METAP1D: variants seen among roughly 807,000 people sequenced by gnomAD.
METAP1D encodes the protein methionine aminopeptidase 1D, mitochondrial.
A neutral mutation model predicts 40.5 loss-of-function variants in METAP1D; 31 were observed. The observed-to-expected ratio is 0.77, with a 90% CI of 0.58 to 1.03. The LOEUF (loss-of-function observed/expected upper bound fraction) is 1.03, where lower values mean the gene tolerates loss of function less well. Ranked by LOEUF, METAP1D falls within the 50% of genes least tolerant of loss-of-function variation. The pLI, the probability that METAP1D is intolerant of heterozygous loss-of-function variation, is 0.00. For missense variants in METAP1D, 411 were observed against 420.7 expected (o/e 0.98, Z 0.20); for synonymous variants, 151 against 146.4 (o/e 1.03, Z -0.22).
chr2:172,080,397 T>A lies in METAP1D; in HGVS notation c.999T>A (p.His333Gln), dbSNP rs1574150702. The change falls in exon 10 of 10, where the codon CAT (histidine) becomes CAA (glutamine). Residue 333 changes from histidine to glutamine, a missense_variant. By Grantham distance (24) the His-to-Gln change is conservative (BLOSUM62 0). Transcript: ENST00000315796. The part of the protein sequence containing the change: ...RGAQILTKLP[H>Q]EA Reference sequence around the variant, plus strand: ...CGCAGATCCTGACCAAACTACCCCATGAGGCCTGAGGAGCCGCCCGAAGGT... The same window carrying A: ...CGCAGATCCTGACCAAACTACCCCAAGAGGCCTGAGGAGCCGCCCGAAGGT... 1.5e-5 allele frequency: 24 copies of A among 1,614,004 alleles called. No individual in the cohort carries two copies. In the East Asian group the frequency reaches 5.3e-4, roughly 36 times the overall value.
chr2:172,012,444 C>T (rs1490500160), intron 1 of METAP1D, among the ~76,000 whole-genome samples: 2 of 152,144 alleles, frequency 1.3e-5, no homozygotes, highest in Admixed American at 6.5e-5. Flanking sequence ...ATGGCTTCAC[C>T]ATGGGGTGAA....
At chr2:172,043,332 A>G (rs1307247432) in intron 1 of METAP1D, among the ~76,000 whole-genome samples, 1 of 132,346 alleles carries the variant, frequency 7.6e-6, no homozygotes, top group African/African-American at 2.5e-5. Flanking sequence ...TTATCCAGTC[A>G]GGCACTCCAT....
At chr2:172,025,196 A>T (rs1180485180) in intron 1 of METAP1D, among the ~76,000 whole-genome samples, 2 of 152,250 alleles carry the variant, frequency 1.3e-5, no homozygotes, top group Admixed American at 1.3e-4. Context: ...CAGAGCCCAG[A>T]AATCTACATT....
intron 1 of METAP1D, among the ~76,000 whole-genome samples, chr2:172,005,623 C>T (rs1333819197): frequency 6.1e-5 from 9 of 147,916 alleles, no homozygotes; most frequent in African/African-American, 1.7e-4. Flanking sequence ...CTGCAACCTC[C>T]GCCTCCCGGG....
intron 1 of METAP1D, among the ~76,000 whole-genome samples, chr2:172,000,324 ATTTAT>A (rs1688428643): frequency 6.6e-6 from 1 of 152,204 alleles, no homozygotes; most frequent in Non-Finnish European, 1.5e-5. Context: ...TGTAACCAAC[ATTTAT>A]TCTGTATGCC....
intron 6 of METAP1D, among the ~76,000 whole-genome samples, chr2:172,075,458 C>G (rs1690518087): frequency 6.6e-6 from 1 of 152,182 alleles, no homozygotes; most frequent in Admixed American, 6.5e-5. Flanking sequence ...CCTGCTGTTT[C>G]CATTTTCCCC....
At chr2:172,049,666 C>T (rs551815804) in intron 1 of METAP1D, among the ~76,000 whole-genome samples, 27 of 152,146 alleles carry the variant, frequency 1.8e-4, no homozygotes, top group African/African-American at 5.5e-4. Flanking sequence ...AAATTTGGAG[C>T]TTTTGCTTTT....
In METAP1D at chr2:172,070,999, G is replaced by T; in HGVS notation, c.633G>T (p.Arg211Ser). Reference protein sequence around the residue: ...ECGKKLVEVARRCRDEAIAAC... With the variant: ...ECGKKLVEVASRCRDEAIAAC... ...GTAAAAAGTTAGTGGAGGTTGCCAG[G>T]AGGTGTAGAGATGAAGCAATTGCAG... Residue 211 changes from arginine to serine, a missense_variant, in exon 6 of 10, where the codon AGG becomes AGT. Coordinates refer to ENST00000315796, the MANE Select transcript of METAP1D (RefSeq NM_199227.3). 6.2e-7 allele frequency: 1 copy of T among 1,613,374 alleles called. No individual in the cohort carries two copies. Among genetic ancestry groups the T allele is most frequent in the South Asian group, 1.1e-5 (1 of 91,008 alleles).
At chr2:172,013,085 C>T (rs1352115610) in intron 1 of METAP1D, among the ~76,000 whole-genome samples, 3 of 152,192 alleles carry the variant, frequency 2.0e-5, no homozygotes, top group Non-Finnish European at 4.4e-5. Context: ...ATGATCTGTG[C>T]AGCAGACCTT....
At chr2:172,009,015 T>G (rs1688651333) in intron 1 of METAP1D, among the ~76,000 whole-genome samples, 1 of 151,980 alleles carries the variant, frequency 6.6e-6, no homozygotes, top group Non-Finnish European at 1.5e-5. Flanking sequence ...ACGGTGTGTT[T>G]GTGAATTGTT....
chr2:172,071,079 T>C lies in METAP1D; in HGVS notation c.704+9T>C, dbSNP rs201953927. The C allele has an allele frequency of 4.1e-5, 66 of 1,597,368 alleles. No individual in the cohort carries two copies. The East Asian group carries it at 1.4e-3, about 34-fold the overall frequency. The stretch of plus-strand genomic sequence containing the variant: ...ATTGGAAACACAATCAGGTAAGCCT[T>C]ACATTGACAAGTAAAGGGAGGGTTG... On this transcript the variant is annotated intron_variant, in intron 6 of 9. Transcript: ENST00000315796.
rs1690406116 is a variant in METAP1D, at chr2:172,070,948, T to C, written c.582T>C (p.Phe194=). The C allele has an allele frequency of 7.4e-6, 12 of 1,612,900 alleles. No individual in the cohort carries two copies. Among genetic ancestry groups the C allele is most frequent in the Non-Finnish European group, 8.5e-6 (10 of 1,179,174 alleles). The change falls in exon 6 of 10, where the codon TTT becomes TTC. Residue 194 remains phenylalanine (F), a synonymous_variant. Transcript: ENST00000315796. The part of the protein sequence containing the change: ...NGYHGDTSET[F]LVGNVDECGK... ...ACCATGGAGACACCTCTGAAACATT[T>C]TTGGTGGGCAATGTGGACGAATGTG...
At chr2:172,041,726 T>TTATATATA (rs67708838) in intron 1 of METAP1D, among the ~76,000 whole-genome samples, 997 of 37,416 alleles carry the variant, frequency 0.027, 38 homozygotes, top group Non-Finnish European at 0.033. Flanking sequence ...TCTAATTATT[T>TTATATATA]TATATATATA....
In METAP1D at chr2:172,044,672, C is replaced by T. The variant is rs1156239163; in HGVS notation, c.41-16826C>T. Among the ~76,000 whole-genome samples the T allele has an allele frequency of 6.0e-5, 8 of 134,284 alleles. 2 individuals are homozygous for T. Among genetic ancestry groups the T allele is most frequent in the East Asian group, 2.0e-4 (1 of 5,066 alleles). The allele number at this position is 134,284 out of a possible 152,430, so 88.1% of individuals were successfully genotyped here. ...CTATAATCCCAGCAATTTGGGAAGC[C>T]GAGGAGGGTGGATCACTTGAAGTCA... On this transcript the variant is annotated intron_variant, in intron 1 of 9. Transcript: ENST00000315796.
At chr2:172,021,074 A>C (rs1180335727) in intron 1 of METAP1D, among the ~76,000 whole-genome samples, 1 of 152,060 alleles carries the variant, frequency 6.6e-6, no homozygotes, top group Admixed American at 6.5e-5. Context: ...CTTGTCTACA[A>C]GGCAGAGTTA....
intron 1 of METAP1D, among the ~76,000 whole-genome samples, chr2:172,029,391 C>A (rs1012303607): frequency 1.3e-5 from 2 of 152,142 alleles, no homozygotes; most frequent in African/African-American, 4.8e-5. Context: ...CCACTGCACT[C>A]CAGCATAAGG....
chr2:172,041,126 C>T (rs978278143), intron 1 of METAP1D, among the ~76,000 whole-genome samples: 1 of 151,788 alleles, frequency 6.6e-6, no homozygotes, highest in Non-Finnish European at 1.5e-5. Context: ...GTCTGAGGCC[C>T]CCCAAAAGCA....
intron 1 of METAP1D, among the ~76,000 whole-genome samples, chr2:172,042,965 GCGTA>G (rs1689638275): frequency 2.4e-5 from 3 of 126,548 alleles, no homozygotes; most frequent in Admixed American, 7.8e-5. Flanking sequence ...GTATATATAT[GCGTA>G]CATGTGCATA....
At chr2:172,004,874 A>G (rs115005961) in intron 1 of METAP1D, among the ~76,000 whole-genome samples, 2,864 of 152,152 alleles carry the variant, frequency 0.019, 58 homozygotes, top group Admixed American at 0.069. Flanking sequence ...AAATCCATAC[A>G]TACTTGTATG....
Sources: gnomAD v4.1 joint callset for allele counts (sites outside exome capture counted in the v4.1 genomes callset) on GRCh38, gnomAD v4.1.1 for gene constraint, MANE v1.5 for transcripts, NCBI Gene and HGNC (gene_info 2026-07-23, HGNC 2026-07-21) for gene names.